PLSCR2: variants seen among roughly 807,000 people sequenced by gnomAD.
PLSCR2 encodes PL scramblase 2.
PLSCR2 carries 18 observed loss-of-function variants against 25.3 expected under a neutral mutation model. The ratio of observed to expected loss-of-function variants is 0.71; its 90% CI spans 0.49 to 1.06. The LOEUF (loss-of-function observed/expected upper bound fraction) is 1.06. Ranked by LOEUF, PLSCR2 falls within the 50% of genes least tolerant of loss-of-function variation. The pLI is 0.00. For missense variants in PLSCR2, 243 were observed against 269.5 expected (o/e 0.90, Z 0.69); for synonymous variants, 88 against 87.3 (o/e 1.01, Z -0.04).
At chr3:146,471,247 TA>T (rs1043232643) in intron 1 of PLSCR2, among the ~76,000 whole-genome samples, 28 of 151,918 alleles carry the variant, frequency 1.8e-4, no homozygotes, top group African/African-American at 5.5e-4. Context: ...CTGTATACAA[TA>T]AAAAAAACAT....
intron 1 of PLSCR2, among the ~76,000 whole-genome samples, chr3:146,483,924 T>G (rs1260826642): frequency 6.6e-6 from 1 of 151,722 alleles, no homozygotes; most frequent in Non-Finnish European, 1.5e-5. Flanking sequence ...AGCACAGAAC[T>G]CGGTGAAGGC....
exon 7 of PLSCR2, chr3:146,441,797 T>A (rs938023465): frequency 1.3e-6 from 2 of 1,593,324 alleles, no homozygotes; most frequent in Non-Finnish European, 8.6e-7. Context: ...AGTCATTACC[T>A]AGTTCTTTCA....
chr3:146,413,349 C>T (rs2108048742), intron 2 of PLSCR2, among the ~76,000 whole-genome samples: 1 of 152,282 alleles, frequency 6.6e-6, no homozygotes, highest in East Asian at 1.9e-4. Context: ...TACCTTTTTA[C>T]TCTTTATATG....
chr3:146,401,832 G>GT (rs1361724260), intron 2 of PLSCR2, among the ~76,000 whole-genome samples: 2 of 151,494 alleles, frequency 1.3e-5, no homozygotes, highest in Non-Finnish European at 1.5e-5. Context: ...TTACTATTAT[G>GT]TTTTAAGTTA....
At chr3:146,434,390 T>C (rs2039698785) in intron 8 of PLSCR2, among the ~76,000 whole-genome samples, 1 of 152,172 alleles carries the variant, frequency 6.6e-6, no homozygotes, top group African/African-American at 2.4e-5. Flanking sequence ...GCCTATTTAT[T>C]CATGAAAGCT....
intron 1 of PLSCR2, among the ~76,000 whole-genome samples, chr3:146,483,479 G>GTATATATATATATATATATA (rs56655616): frequency 5.5e-5 from 3 of 54,822 alleles, no homozygotes; most frequent in African/African-American, 2.5e-4. Context: ...ATATACATGT[G>GTATATATATATATATATATA]TATATATATA....
At chr3:146,482,609 C>T (rs1049862330) in intron 1 of PLSCR2, among the ~76,000 whole-genome samples, 2 of 152,146 alleles carry the variant, frequency 1.3e-5, no homozygotes, top group Admixed American at 6.5e-5. Context: ...GAAATAGGAA[C>T]ACTTTTACAC....
intron 2 of PLSCR2, among the ~76,000 whole-genome samples, chr3:146,406,348 A>C (rs2108019445): frequency 6.6e-6 from 1 of 152,108 alleles, no homozygotes; most frequent in East Asian, 1.9e-4. Context: ...TGGCTCCTGG[A>C]GCATCTAAAT....
At chr3:146,417,504 A>G (rs1033134272) in intron 2 of PLSCR2, among the ~76,000 whole-genome samples, 2 of 152,180 alleles carry the variant, frequency 1.3e-5, no homozygotes, top group African/African-American at 2.4e-5. Context: ...GATGAGGTAA[A>G]GAGAAGTAAA....
intron 1 of PLSCR2, among the ~76,000 whole-genome samples, chr3:146,489,686 A>G (rs1410125310): frequency 6.6e-6 from 1 of 152,150 alleles, no homozygotes; most frequent in African/African-American, 2.4e-5. Flanking sequence ...GAAACTATAT[A>G]AAGAATACTT....
chr3:146,436,492 C>T (rs1053838628), intron 8 of PLSCR2, among the ~76,000 whole-genome samples: 2 of 152,182 alleles, frequency 1.3e-5, no homozygotes, highest in Non-Finnish European at 2.9e-5. Flanking sequence ...TCCTTCACAT[C>T]TCTTGTAAGT....
At chr3:146,468,957 A>C (rs1279863260) in intron 1 of PLSCR2, 1 of 167,222 alleles carries the variant, frequency 6.0e-6, no homozygotes, top group East Asian at 1.9e-4. Context: ...GATGTGAAGC[A>C]GTAGAGGCCG....
chr3:146,393,908 T>G (rs995140893), intron 3 of PLSCR2, among the ~76,000 whole-genome samples: 4 of 152,144 alleles, frequency 2.6e-5, no homozygotes, highest in Admixed American at 2.6e-4. Flanking sequence ...CTCTTATATC[T>G]AGTATAAATG....
At chr3:146,429,808 G>A (rs1297872841), downstream of PLSCR2, among the ~76,000 whole-genome samples, 4 of 151,958 alleles carry the variant, frequency 2.6e-5, no homozygotes, top group East Asian at 5.8e-4. Flanking sequence ...TGTATTTTTA[G>A]TAGAGATAGG....
At chr3:146,421,866 T>C (rs1342576103) in intron 2 of PLSCR2, among the ~76,000 whole-genome samples, 2 of 152,064 alleles carry the variant, frequency 1.3e-5, no homozygotes, top group African/African-American at 4.8e-5. Flanking sequence ...TGTTTTTAAT[T>C]TGAGAGACAT....
chr3:146,492,996 C>CAA (rs34684660), intron 1 of PLSCR2, among the ~76,000 whole-genome samples: 7 of 150,072 alleles, frequency 4.7e-5, no homozygotes, highest in South Asian at 2.1e-4. Flanking sequence ...CACAGAAATA[C>CAA]AAAAAAAAAG....
rs766430316 is a variant in PLSCR2 at position 146,455,269 on chromosome 3, G to GTTAC, written c.287_290dup (p.Asn97LysfsTer2). ...GAAGGCAGCAGGGGCAACAACAACA[G>GTTAC]TTACATCTTAGTGGTCTTTCCAGAG... On this transcript the variant is annotated stop_gained and frameshift_variant, in exon 4 of 7. Coordinates refer to ENST00000610787, the Ensembl canonical transcript of PLSCR2. LOFTEE classifies it high-confidence loss of function. The GTTAC allele has an allele frequency of 6.2e-7, 1 of 1,613,812 alleles. No individual in the cohort carries two copies. Among genetic ancestry groups the GTTAC allele is most frequent in the South Asian group, 1.1e-5 (1 of 91,070 alleles).
At chr3:146,456,187 C>G (rs1328855889) in intron 3 of PLSCR2, among the ~76,000 whole-genome samples, 2 of 152,144 alleles carry the variant, frequency 1.3e-5, no homozygotes, top group Admixed American at 6.6e-5. Context: ...ATGAGGAAAA[C>G]AGAGGAATGC....
intron 2 of PLSCR2, among the ~76,000 whole-genome samples, chr3:146,406,561 A>G (rs1413708035): frequency 2.0e-5 from 3 of 152,178 alleles, no homozygotes; most frequent in Non-Finnish European, 2.9e-5. Context: ...CGCAGAGGAC[A>G]TAACAGGCAA....
Sources: allele counts gnomAD v4.1 joint callset (sites outside exome capture counted in the v4.1 genomes callset), GRCh38; gene constraint gnomAD v4.1.1; transcripts MANE v1.5; gene names NCBI Gene and HGNC (gene_info 2026-07-23, HGNC 2026-07-21).